CDR2L: variants seen among roughly 807,000 people sequenced by gnomAD.
CDR2L encodes cerebellar degeneration related protein 2 like, also known as cerebellar degeneration-related protein 2-like.
In CDR2L, 19 loss-of-function variants were observed where a neutral mutation model predicts 36.1. That is an observed-to-expected ratio of 0.53 (90% CI 0.37 to 0.77). The LOEUF is 0.77. CDR2L is among the 30% of genes least tolerant of loss of function. CDR2L has a pLI of 0.00. For synonymous variants in CDR2L, 285 were observed against 280.4 expected, an observed-to-expected ratio of 1.02 and a Z score of -0.16; for missense variants, 575 against 627.2, an observed-to-expected ratio of 0.92 and a Z score of 0.89.
chr17:74,990,934 CCTGT>C (rs962211454), intron 1 of CDR2L, among the ~76,000 whole-genome samples: 7 of 152,248 alleles, frequency 4.6e-5, no homozygotes, highest in African/African-American at 1.7e-4. Context: ...GGTCTTCCCT[CCTGT>C]CTGTTTCCTC....
At chr17:75,000,737 AC>A (rs1369042524) in intron 2 of CDR2L, among the ~76,000 whole-genome samples, 1 of 149,932 alleles carries the variant, frequency 6.7e-6, no homozygotes, top group Admixed American at 6.7e-5. Flanking sequence ...ACACGGTGAA[AC>A]CCCATCTCTA....
intron 1 of CDR2L, among the ~76,000 whole-genome samples, chr17:74,999,133 G>A (rs1489951035): frequency 1.3e-5 from 2 of 152,210 alleles, no homozygotes; most frequent in Admixed American, 6.5e-5. Context: ...AGGAGAAGGT[G>A]CACTGCCTTC....
intron 2 of CDR2L, among the ~76,000 whole-genome samples, chr17:75,000,490 A>G (rs1445301932): frequency 4.7e-5 from 7 of 149,076 alleles, no homozygotes; most frequent in East Asian, 4.1e-4. Flanking sequence ...AGTAGAGACG[A>G]GGTTTCACTG....
At chr17:74,997,060 C>CTTTTTTTTTTTTT (rs1567974277) in intron 1 of CDR2L, among the ~76,000 whole-genome samples, 2 of 10,350 alleles carry the variant, frequency 1.9e-4, no homozygotes, top group Non-Finnish European at 7.5e-4. Flanking sequence ...TTCTTTCTTT[C>CTTTTTTTTTTTTT]TTTCTTTCTT....
intron 1 of CDR2L, among the ~76,000 whole-genome samples, 179 bp from the exon 2 acceptor site, chr17:74,999,325 C>CACACACACACAAA (rs368672422): frequency 1.3e-5 from 2 of 151,094 alleles, no homozygotes; most frequent in East Asian, 4.0e-4. Context: ...CAGACACACA[C>CACACACACACAAA]AAAAAGAACA....
At position 74,988,121 on chromosome 17, in the gene CDR2L, G is replaced by A. The variant is rs1462349895; in HGVS notation, c.78G>A (p.Gln26=). The A allele has an allele frequency of 6.5e-7, 1 of 1,529,740 alleles. No homozygotes were observed. The allele number at this position is 1,529,740 out of a possible 1,614,324, so 94.8% of individuals were successfully genotyped here. The part of the protein sequence containing the change: ...ESWYDQQDLE[Q]DLHLAAELGK... ...GGTACGACCAGCAGGACCTGGAGCA[G>A]GGTGAGCGCGGGGGCGACCGGGACA... Residue 26 remains glutamine (Q), a splice_region_variant and synonymous_variant, in exon 1 of 5, where the codon CAG becomes CAA. Coordinates refer to ENST00000337231, the MANE Select transcript of CDR2L (RefSeq NM_014603.3).
chr17:74,997,077 TTTCTTTC>T (rs1205352841), intron 1 of CDR2L, among the ~76,000 whole-genome samples: 568 of 4,330 alleles, frequency 0.13, 16 homozygotes, highest in Admixed American at 0.14. Context: ...TCTTTCTTTC[TTTCTTTC>T]TTTTTTTTTT....
intron 1 of CDR2L, among the ~76,000 whole-genome samples, chr17:74,990,612 G>A (rs1476326831): frequency 6.6e-6 from 1 of 152,226 alleles, no homozygotes; most frequent in African/African-American, 2.4e-5. Context: ...AGGGAGGGAA[G>A]AAGGCATTCC....
At chr17:74,991,406 T>TAAAA (rs36002396) in intron 1 of CDR2L, among the ~76,000 whole-genome samples, 2 of 103,592 alleles carry the variant, frequency 1.9e-5, no homozygotes, top group African/African-American at 3.7e-5. Context: ...ACTCTGTCTT[T>TAAAA]AAAAAAAAAA....
chr17:75,002,173 C>G lies in CDR2L; in HGVS notation c.451C>G (p.Arg151Gly), dbSNP rs529209429. 6.2e-7 allele frequency: 1 copy of G among 1,608,694 alleles called. No individual in the cohort carries two copies. The highest frequency in any genetic ancestry group is 8.5e-7 in the Non-Finnish European group (1 of 1,177,882). The stretch of plus-strand genomic sequence containing the variant: ...GCGAGTGCTCCGGGAGAAGCGGGAA[C>G]GCAGGCGTACCATCCACACCTTCCC... ...QLRVLREKRE[R>G]RRTIHTFPCL... The change falls in exon 4 of 5, where the codon CGC (arginine) becomes GGC (glycine). Residue 151 changes from arginine (R) to glycine (G), a missense_variant. Arg to Gly is a moderately radical substitution (Grantham distance 125). Coordinates refer to ENST00000337231, the MANE Select transcript of CDR2L (RefSeq NM_014603.3). This position sits in a 1 kb window ranked among gnomAD's most constrained non-coding sequence, Gnocchi z 4.1.
At chr17:74,996,954 G>C (rs1236506281) in intron 1 of CDR2L, among the ~76,000 whole-genome samples, 1 of 152,030 alleles carries the variant, frequency 6.6e-6, no homozygotes, top group African/African-American at 2.4e-5. Context: ...GGGCCAAGAA[G>C]TTCTGAATCA....
intron 1 of CDR2L, among the ~76,000 whole-genome samples, chr17:74,993,282 C>G (rs186899955): frequency 1.6e-3 from 240 of 147,152 alleles, no homozygotes; most frequent in Non-Finnish European, 1.8e-3. Flanking sequence ...GTAGTTCAAT[C>G]TTTTTTTTTT....
At chr17:74,988,651 T>C (rs1389731973) in intron 1 of CDR2L, among the ~76,000 whole-genome samples, 3 of 152,176 alleles carry the variant, frequency 2.0e-5, no homozygotes, top group Admixed American at 2.0e-4. Flanking sequence ...ACCGCGTCTT[T>C]GCTGGTGAAG....
rs770813654 is a variant in CDR2L, at chr17:74,989,693, C to T, written c.79+1571C>T. Among the ~76,000 whole-genome samples the T allele has an allele frequency of 2.6e-5, 4 of 152,044 alleles. No individual in the cohort carries two copies. Among genetic ancestry groups the T allele is most frequent in the Admixed American group, 6.5e-5 (1 of 15,268 alleles). On this transcript the variant is annotated intron_variant, in intron 1 of 4. Coordinates refer to ENST00000337231, the MANE Select transcript of CDR2L (RefSeq NM_014603.3). The surrounding 1 kb of genome is among the most constrained non-coding windows in gnomAD (Gnocchi z 4.2). ...ATTTTCAGACAGAGTCTCCCTCTGT[C>T]ACCCAGGTTGGAGTGTAATGGTGCG...
chr17:74,990,789 G>A (rs777591720), intron 1 of CDR2L, among the ~76,000 whole-genome samples: 2 of 152,188 alleles, frequency 1.3e-5, no homozygotes, highest in Non-Finnish European at 2.9e-5. Context: ...ATGGTGGGAC[G>A]GAGCACGGGC....
intron 1 of CDR2L, among the ~76,000 whole-genome samples, chr17:74,988,419 T>TG (rs2039777126): frequency 6.6e-6 from 1 of 152,188 alleles, no homozygotes; most frequent in South Asian, 2.1e-4. Flanking sequence ...AGGCAGCAAC[T>TG]GCTCGGCCGC....
chr17:75,001,627 C>A (rs1006545233), intron 3 of CDR2L, 138 bp downstream of exon 3: 3 of 821,274 alleles, frequency 3.7e-6, no homozygotes, highest in Non-Finnish European at 5.3e-6. Flanking sequence ...TTGTCCTTGT[C>A]GATTTTGTGT....
At position 75,003,872 on chromosome 17, in the gene CDR2L, G is replaced by C. The variant is rs1372059794; in HGVS notation, c.1196G>C (p.Arg399Thr). ...SRPISRDSSW[R>T]DLRGGEEGQG... ...CCCATCTCCCGGGACAGCTCGTGGA[G>C]GGACCTGCGCGGGGGTGAGGAGGGC... The change falls in exon 5 of 5, where the codon AGG (arginine) becomes ACG (threonine). Residue 399 changes from arginine to threonine, a missense_variant. Arg to Thr is a moderately conservative substitution (Grantham distance 71). Coordinates refer to ENST00000337231, the MANE Select transcript of CDR2L (RefSeq NM_014603.3). 1.9e-6 allele frequency: 3 copies of C among 1,599,022 alleles called. No homozygotes were observed. The East Asian group carries it at 6.8e-5, about 36-fold the overall frequency.
chr17:75,000,634 G>T (rs539454515), intron 2 of CDR2L, among the ~76,000 whole-genome samples: 1 of 147,556 alleles, frequency 6.8e-6, no homozygotes, highest in Non-Finnish European at 1.5e-5. Context: ...AAAAAAAAAG[G>T]CCGGGCACAG....
Sources: allele counts gnomAD v4.1 joint callset (sites outside exome capture counted in the v4.1 genomes callset), GRCh38; gene constraint gnomAD v4.1.1; non-coding constraint Gnocchi (gnomAD v3.1); transcripts MANE v1.5; gene names NCBI Gene and HGNC (gene_info 2026-07-23, HGNC 2026-07-21).